The following TDP1 variants were observed in gnomAD, a reference collection of about 807,000 sequenced individuals.
TDP1 encodes tyrosyl-DNA phosphodiesterase 1.
TDP1 carries 64 observed loss-of-function variants against 81.5 expected under a neutral mutation model. The observed-to-expected ratio is 0.79, with a 90% CI of 0.64 to 0.97. The LOEUF (loss-of-function observed/expected upper bound fraction) is 0.97, where lower values mean the gene tolerates loss of function less well. Among genes scored for constraint, TDP1 ranks in the 50% least tolerant of loss-of-function variants. The pLI is 0.00. For synonymous variants in TDP1, 256 were observed against 264.3 expected (o/e 0.97, Z 0.30); for missense variants, 723 against 743.8 (o/e 0.97, Z 0.33).
rs998850789 is a variant in TDP1 at position 89,992,925 on chromosome 14, A to G, written c.1434-451A>G. 9 of 984,906 alleles carry G rather than the reference A, an allele frequency of 9.1e-6. No individual in the cohort carries two copies. In the African/African-American group the frequency reaches 1.0e-4, roughly 11 times the overall value. 61.0% of individuals were successfully genotyped at this position (984,906 alleles called of 1,614,324 possible). ...AAAGTATTTCTGCCCTCGCTTTTCA[A>G]CATTCATTTTTTTCATATACTGTTT... On this transcript the variant is annotated intron_variant, in intron 13 of 16. Coordinates refer to ENST00000335725, the MANE Select transcript of TDP1 (RefSeq NM_018319.4).
At chr14:90,022,722 A>G (rs1250218185) in intron 15 of TDP1, 1 of 984,164 alleles carries the variant, frequency 1.0e-6, no homozygotes, top group African/African-American at 1.7e-5. Flanking sequence ...TATGTTGTCT[A>G]CTGATATGTG....
intron 15 of TDP1, among the ~76,000 whole-genome samples, chr14:90,029,160 T>A (rs1886973774): frequency 6.6e-6 from 1 of 151,736 alleles, no homozygotes; most frequent in South Asian, 2.1e-4. Flanking sequence ...GGACCAAGAA[T>A]CAGAAAGACG....
At position 90,033,175 on chromosome 14, in the gene TDP1, G is replaced by C; in HGVS notation, c.1714G>C (p.Val572Leu). 6.2e-7 allele frequency: 1 copy of C among 1,612,940 alleles called. No individual in the cohort carries two copies. The highest frequency in any genetic ancestry group is 1.1e-5 in the South Asian group (1 of 91,022). ...GSQEPMATFP[V>L]PYDLPPELYG... is the part of the protein sequence containing the mutation. ...CCAGGAGCCAATGGCCACCTTTCCT[G>C]TGCCATATGATTTGCCTCCAGAACT... is the stretch of plus-strand genomic sequence containing the variant. The change falls in exon 16 of 17, where the codon GTG (valine) becomes CTG (leucine). Residue 572 changes from valine to leucine, a missense_variant. Transcript: ENST00000335725.
At chr14:90,007,459 C>T (rs1221827893) in intron 14 of TDP1, among the ~76,000 whole-genome samples, 1 of 151,970 alleles carries the variant, frequency 6.6e-6, no homozygotes, top group Non-Finnish European at 1.5e-5. Context: ...CATGGTAGCT[C>T]ACACCTGTAA....
chr14:89,993,721 C>T (rs1357383358), intron 14 of TDP1, among the ~76,000 whole-genome samples: 1 of 152,190 alleles, frequency 6.6e-6, no homozygotes, highest in South Asian at 2.1e-4. Context: ...ATAAAGTTAA[C>T]ATTTACTTCT....
intron 8 of TDP1, among the ~76,000 whole-genome samples, chr14:89,982,102 T>G (rs1330152261): frequency 6.6e-6 from 1 of 152,172 alleles, no homozygotes; most frequent in African/African-American, 2.4e-5. Flanking sequence ...GAGTCTTGTT[T>G]CTGAGCCTTA....
At chr14:90,016,784 C>A (rs1448146085) in intron 14 of TDP1, among the ~76,000 whole-genome samples, 1 of 152,128 alleles carries the variant, frequency 6.6e-6, no homozygotes, top group African/African-American at 2.4e-5. Context: ...TGAACCCTGA[C>A]TGATACACCC....
chr14:90,019,287 C>T, intron 14 of TDP1, 29 bp from the exon 15 acceptor site: 3 of 1,483,150 alleles, frequency 2.0e-6, no homozygotes, highest in Non-Finnish European at 2.8e-6. Flanking sequence ...CTCCCTGAGT[C>T]AGCCCTATCT....
In TDP1 at chr14:89,963,084, G is replaced by C. The variant is rs1250814713; in HGVS notation, c.-7-24G>C. The C allele has an allele frequency of 2.5e-6, 4 of 1,613,934 alleles. No individual in the cohort carries two copies. The African/African-American group carries it at 5.3e-5, about 22-fold the overall frequency. The stretch of plus-strand genomic sequence containing the variant: ...AATGCCCTGATGAATGGGAAATGCT[G>C]ATGTTTCCACTTTTCATTTCCAGGA... On this transcript the variant is annotated intron_variant, in intron 2 of 16. Transcript: ENST00000335725.
chr14:89,988,255 G>A (rs956911277), intron 10 of TDP1, among the ~76,000 whole-genome samples: 3 of 152,150 alleles, frequency 2.0e-5, no homozygotes, highest in African/African-American at 7.2e-5. Context: ...TTTTAATGGA[G>A]GCTTCATTAC....
At chr14:89,974,932 CCT>C (rs1294116569) in intron 6 of TDP1, among the ~76,000 whole-genome samples, 4 of 152,084 alleles carry the variant, frequency 2.6e-5, no homozygotes, top group African/African-American at 9.7e-5. Flanking sequence ...ATATACATAC[CCT>C]CCATTAGTTT....
intron 12 of TDP1, among the ~76,000 whole-genome samples, chr14:89,990,203 T>C (rs1205370682): frequency 1.3e-5 from 2 of 152,224 alleles, no homozygotes; most frequent in African/African-American, 4.8e-5. Context: ...AATTTTGCCT[T>C]TGGTATAACT....
chr14:89,960,661 G>C (rs1892220747), intron 2 of TDP1, among the ~76,000 whole-genome samples: 1 of 152,214 alleles, frequency 6.6e-6, no homozygotes, highest in Non-Finnish European at 1.5e-5. Context: ...CTGTGAGATA[G>C]TGTGTTCATG....
intron 2 of TDP1, among the ~76,000 whole-genome samples, chr14:89,962,182 C>T (rs1892405335): frequency 6.6e-6 from 1 of 151,996 alleles, no homozygotes; most frequent in Non-Finnish European, 1.5e-5. Context: ...ATGATGTAGC[C>T]AATAGGATAA....
intron 16 of TDP1, chr14:90,033,580 CT>C (rs1323886567): frequency 3.4e-6 from 1 of 289,898 alleles, no homozygotes; most frequent in East Asian, 7.9e-5. Flanking sequence ...TTAGTCTACA[CT>C]TGGGCAAAAT....
chr14:89,981,774 C>T (rs1180542652), intron 8 of TDP1, among the ~76,000 whole-genome samples: 1 of 152,142 alleles, frequency 6.6e-6, no homozygotes, highest in Non-Finnish European at 1.5e-5. Flanking sequence ...TAACCTCAAC[C>T]TCCTGGGCTC....
intron 9 of TDP1, 96 bp from the exon 10 acceptor site, chr14:89,985,036 C>CTTGATTA: frequency 5.3e-6 from 7 of 1,322,198 alleles, no homozygotes; most frequent in Non-Finnish European, 7.3e-6. Context: ...TAGATCATTT[C>CTTGATTA]TTGATTATAT....
intron 15 of TDP1, among the ~76,000 whole-genome samples, chr14:90,020,800 C>CTTT (rs869215666): frequency 8.1e-6 from 1 of 123,046 alleles, no homozygotes; most frequent in Non-Finnish European, 1.7e-5. Context: ...CTAATCCAGT[C>CTTT]TTTTTTTTTT....
At chr14:89,970,432 A>G (rs892952198) in intron 5 of TDP1, among the ~76,000 whole-genome samples, 18 of 152,166 alleles carry the variant, frequency 1.2e-4, no homozygotes, top group African/African-American at 4.1e-4. Context: ...AGCACACAGG[A>G]GGAGTTTGGT....
Sources: gnomAD v4.1 joint callset for allele counts (sites outside exome capture counted in the v4.1 genomes callset) on GRCh38, gnomAD v4.1.1 for gene constraint, MANE v1.5 for transcripts, NCBI Gene and HGNC (gene_info 2026-07-23, HGNC 2026-07-21) for gene names.